Variants in VPS13A observed in about 807,000 individuals in gnomAD.
The protein encoded by VPS13A is intermembrane lipid transfer protein VPS13A.
A neutral mutation model predicts 390.9 loss-of-function variants in VPS13A; 264 were observed. That is an observed-to-expected ratio of 0.68 (90% CI 0.61 to 0.75). The LOEUF (loss-of-function observed/expected upper bound fraction) is 0.75. Among genes scored for constraint, VPS13A ranks in the 30% least tolerant of loss-of-function variants. The pLI is 0.00. For missense variants in VPS13A, 3,409 were observed against 3,733.9 expected (o/e 0.91, Z 2.27); for synonymous variants, 1,231 against 1,227.1 (o/e 1.00, Z -0.07).
intron 17 of VPS13A, among the ~76,000 whole-genome samples, chr9:77,231,180 T>C (rs532739085): frequency 6.6e-6 from 1 of 152,144 alleles, no homozygotes; most frequent in African/African-American, 2.4e-5. Context: ...TCTGCAAATA[T>C]AGTTTTACTT....
At position 77,303,045 on chromosome 9, in the gene VPS13A, C is replaced by A; in HGVS notation, c.3943C>A (p.Gln1315Lys). ...QEVPCFNVNAQLKPMEFILSQ... is the reference protein window; with the variant it reads ...QEVPCFNVNAKLKPMEFILSQ... ...AGTTCCTTGTTTTAATGTAAATGCT[C>A]AGCTGAAACCAATGGAGGTAACTTT... Residue 1315 changes from glutamine to lysine, a missense_variant, in exon 34 of 72, where the codon CAG becomes AAG. Physicochemically the swap from Gln to Lys is moderately conservative, Grantham distance 53 (BLOSUM62 1). Transcript: ENST00000360280. The A allele has an allele frequency of 6.2e-7, 1 of 1,613,874 alleles. No homozygotes were observed. The highest frequency in any genetic ancestry group is 1.7e-4 in the Middle Eastern group (1 of 6,058).
intron 34 of VPS13A, among the ~76,000 whole-genome samples, chr9:77,306,147 T>G (rs1372621085): frequency 2.0e-5 from 3 of 152,082 alleles, no homozygotes; most frequent in African/African-American, 4.8e-5. Flanking sequence ...CCCCAAACAT[T>G]AGTAGTATGT....
intron 45 of VPS13A, among the ~76,000 whole-genome samples, chr9:77,327,156 C>T (rs998087661): frequency 1.3e-5 from 2 of 152,148 alleles, no homozygotes; most frequent in Admixed American, 6.5e-5. Flanking sequence ...CCTCTTGCCC[C>T]GTATCGGAAA....
intron 26 of VPS13A, among the ~76,000 whole-genome samples, 189 bp downstream of exon 26, chr9:77,276,410 G>A (rs768020397): frequency 3.3e-5 from 5 of 152,082 alleles, no homozygotes; most frequent in Non-Finnish European, 7.4e-5. Context: ...ATAAAATGAA[G>A]ATAATTTTAT....
chr9:77,211,337 G>C (rs2131146911), intron 7 of VPS13A: 1 of 151,978 alleles, frequency 6.6e-6, no homozygotes, highest in Admixed American at 6.5e-5. Context: ...AAAAATGTAG[G>C]ATTATAAAAG....
chr9:77,404,315 G>A (rs1834504495), intron 69 of VPS13A, among the ~76,000 whole-genome samples: 1 of 152,166 alleles, frequency 6.6e-6, no homozygotes, highest in South Asian at 2.1e-4. Flanking sequence ...ATACCATTAT[G>A]TACTTAGTTT....
chr9:77,383,452 T>A (rs1833542661), intron 68 of VPS13A, among the ~76,000 whole-genome samples: 1 of 152,002 alleles, frequency 6.6e-6, no homozygotes, highest in African/African-American at 2.4e-5. Flanking sequence ...AAACATGTAT[T>A]TCTACCCAAT....
intron 71 of VPS13A, among the ~76,000 whole-genome samples, chr9:77,414,350 C>A (rs1364358250): frequency 2.6e-5 from 4 of 152,076 alleles, no homozygotes; most frequent in Non-Finnish European, 5.9e-5. Context: ...AAATGTCCAA[C>A]AATGATAGAC....
In VPS13A at chr9:77,360,606, C is replaced by A; in HGVS notation, c.8176C>A (p.Leu2726Ile). Residue 2726 changes from leucine to isoleucine, a missense_variant, in exon 59 of 72, where the codon CTT becomes ATT. Physicochemically the swap from Leu to Ile is conservative, Grantham distance 5. This residue lies in a region of VPS13A where 221 missense variants were observed against 300.7 expected (regional missense o/e 0.73). Coordinates refer to ENST00000360280, the MANE Select transcript of VPS13A (RefSeq NM_033305.3). ...DLGFIYALTD[L>I]MTEAEVTENT... ...TGGGTTTATCTATGCTTTAACAGAC[C>A]TTATGACAGAAGCTGAGGTGACTGA... is the stretch of plus-strand genomic sequence containing the variant. The A allele has an allele frequency of 6.2e-7, 1 of 1,612,762 alleles. No homozygotes were observed. The highest frequency in any genetic ancestry group is 8.5e-7 in the Non-Finnish European group (1 of 1,179,284).
At chr9:77,211,547 C>G (rs1259531839) in intron 7 of VPS13A, 4 of 152,186 alleles carry the variant, frequency 2.6e-5, no homozygotes, top group African/African-American at 9.6e-5. Context: ...AATTGGGCAG[C>G]CTCCCAAGCC....
chr9:77,359,266 A>T (rs569230185), intron 57 of VPS13A, 67 bp from the exon 58 acceptor site: 9 of 1,301,906 alleles, frequency 6.9e-6, no homozygotes, highest in Non-Finnish European at 1.0e-5. Context: ...TGTGGTGTAT[A>T]TTGGAAGAAA....
At chr9:77,224,121 C>T (rs1823375997) in intron 13 of VPS13A, among the ~76,000 whole-genome samples, 1 of 152,118 alleles carries the variant, frequency 6.6e-6, no homozygotes, top group African/African-American at 2.4e-5. Context: ...AGACCTACTG[C>T]TCAGTAAAAA....
At chr9:77,214,040 C>G (rs1415998330) in intron 9 of VPS13A, among the ~76,000 whole-genome samples, 2 of 151,826 alleles carry the variant, frequency 1.3e-5, no homozygotes, top group African/African-American at 4.8e-5. Flanking sequence ...CTTTGGGAGG[C>G]CGAGGCGGGT....
Position 77,280,166 on chromosome 9 carries a change from CAAG to C in VPS13A, c.2835_2837del (p.Lys946del), listed in dbSNP as rs745674262. On this transcript the variant is annotated inframe_deletion, in exon 27 of 72. Transcript: ENST00000360280. ...TTAAAAAATTATTTTTAGATGAAAA[CAAG>C]AAACCAGTTTATTTGGTTACAACCC... is the stretch of plus-strand genomic sequence containing the variant. 278 of 1,608,228 alleles carry C rather than the reference CAAG, an allele frequency of 1.7e-4. No individual in the cohort carries two copies. The highest frequency in any genetic ancestry group is 2.3e-4 in the Non-Finnish European group (273 of 1,176,956).
intron 19 of VPS13A, among the ~76,000 whole-genome samples, chr9:77,244,784 T>A (rs1824708524): frequency 6.6e-6 from 1 of 151,894 alleles, no homozygotes; most frequent in Non-Finnish European, 1.5e-5. Context: ...AATTCTATAA[T>A]CAGCCCAAAT....
chr9:77,395,469 TA>T (rs541055981), intron 68 of VPS13A, among the ~76,000 whole-genome samples: 31 of 152,086 alleles, frequency 2.0e-4, no homozygotes, highest in African/African-American at 4.8e-4. Flanking sequence ...ATAATAATGA[TA>T]AAAAAAGTTT....
chr9:77,285,098 G>A (rs1388405590), intron 31 of VPS13A, among the ~76,000 whole-genome samples: 2 of 152,108 alleles, frequency 1.3e-5, no homozygotes, highest in South Asian at 2.1e-4. Flanking sequence ...CTTCTTGCAC[G>A]ATTTTCATTT....
intron 45 of VPS13A, among the ~76,000 whole-genome samples, chr9:77,327,298 T>G (rs972362509): frequency 2.0e-5 from 3 of 152,208 alleles, no homozygotes; most frequent in Non-Finnish European, 4.4e-5. Flanking sequence ...TTTAGTTAAC[T>G]ATTTTAAAAG....
chr9:77,300,421 T>C (rs1828273952), intron 33 of VPS13A, among the ~76,000 whole-genome samples: 1 of 152,178 alleles, frequency 6.6e-6, no homozygotes, highest in Non-Finnish European at 1.5e-5. Flanking sequence ...TGAAATAATT[T>C]TAAAATAATT....
Sources: allele counts gnomAD v4.1 joint callset (sites outside exome capture counted in the v4.1 genomes callset), GRCh38; gene constraint gnomAD v4.1.1; regional missense constraint gnomAD v4.1.1; transcripts MANE v1.5; gene names NCBI Gene and HGNC (gene_info 2026-07-23, HGNC 2026-07-21).